The following COL6A5 variants were observed in gnomAD, a reference collection of about 807,000 sequenced individuals.
The protein encoded by COL6A5 is collagen alpha-5(VI) chain.
COL6A5 carries 48 observed loss-of-function variants against 65.6 expected under a neutral mutation model. The ratio of observed to expected loss-of-function variants is 0.73; its 90% CI spans 0.58 to 0.93. COL6A5 has a LOEUF of 0.93. Among genes scored for constraint, COL6A5 ranks in the 40% least tolerant of loss-of-function variants. COL6A5 has a pLI of 0.00. For synonymous variants in COL6A5, 291 were observed against 322.8 expected, an observed-to-expected ratio of 0.90 and a Z score of 1.05; for missense variants, 914 against 928.3, an observed-to-expected ratio of 0.98 and a Z score of 0.20.
At position 130,437,067 on chromosome 3, in the gene COL6A5, A is replaced by G. The variant is rs912928598; in HGVS notation, c.488-2455A>G. On this transcript the variant is annotated intron_variant, in intron 1 of 7. Coordinates refer to ENST00000512836, the Ensembl canonical transcript of COL6A5. ...ACTTGTACAACGTACAGCCCTCTTC[A>G]TCACAGCTAATAAAAATCCCATTCT... Among the ~76,000 whole-genome samples, 3 of 152,124 alleles carry G rather than the reference A, an allele frequency of 2.0e-5. No homozygotes were observed. In the South Asian group the frequency reaches 6.2e-4, roughly 32 times the overall value.
At chr3:130,433,403 T>A (rs369528296) in intron 1 of COL6A5, among the ~76,000 whole-genome samples, 15 of 152,284 alleles carry the variant, frequency 9.9e-5, no homozygotes, top group East Asian at 5.8e-4. Context: ...TGTTAACAAA[T>A]CATTTTAAAT....
intron 1 of COL6A5, among the ~76,000 whole-genome samples, chr3:130,372,750 C>T (rs1263107395): frequency 6.6e-6 from 1 of 152,058 alleles, no homozygotes; most frequent in Non-Finnish European, 1.5e-5. Context: ...GAACTGGGGG[C>T]TTAATCTAAA....
At chr3:130,413,437 G>T in intron 20 of COL6A5, 108 bp from the exon 21 acceptor site, 2 of 1,017,868 alleles carry the variant, frequency 2.0e-6, no homozygotes, top group South Asian at 1.4e-5. Flanking sequence ...CTGTTTCTGT[G>T]AGCTGCTCAT....
intron 5 of COL6A5, among the ~76,000 whole-genome samples, chr3:130,458,256 T>C (rs1260126134): frequency 2.6e-5 from 4 of 152,120 alleles, no homozygotes; most frequent in Non-Finnish European, 2.9e-5. Context: ...GGAAGCTCAT[T>C]ATAAGCACAG....
chr3:130,439,339 TTGTGTGTGTGTGTGTGTG>T lies in COL6A5; in HGVS notation c.488-160_488-143del, dbSNP rs5852597. ...TGTTATGTTTGGGATAAGCAGGGGA[TTGTGTGTGTGTGTGTGTG>T]TGTGTGTGTGTGTGTGTGTGTGAAC... On this transcript the variant is annotated intron_variant, in intron 1 of 7. Transcript: ENST00000512836. Among the ~76,000 whole-genome samples the T allele has an allele frequency of 6.3e-3, 921 of 146,662 alleles. 4 individuals are homozygous for T. Among genetic ancestry groups the T allele is most frequent in the Non-Finnish European group, 0.01 (673 of 66,626 alleles).
At chr3:130,345,695 G>C (rs9859227) in exon 1 of COL6A5, 191 of 398,598 alleles carry the variant, frequency 4.8e-4, no homozygotes, top group Non-Finnish European at 7.3e-4. Flanking sequence ...AACTTGTGAA[G>C]AGTTAAAAGC....
intron 3 of COL6A5, among the ~76,000 whole-genome samples, chr3:130,377,106 TCTTTC>T (rs1257609685): frequency 1.3e-5 from 2 of 152,302 alleles, no homozygotes; most frequent in Non-Finnish European, 2.9e-5. Flanking sequence ...CCTCTTGGAA[TCTTTC>T]CTTTCTAATT....
chr3:130,469,432 T>A, exon 6 of COL6A5: 1 of 1,612,932 alleles, frequency 6.2e-7, no homozygotes. Flanking sequence ...ACAAGCCAGA[T>A]TGGAACTATA....
At chr3:130,440,639 G>T in exon 3 of COL6A5, 3 of 1,613,484 alleles carry the variant, frequency 1.9e-6, no homozygotes, top group East Asian at 2.2e-5. Context: ...AAAAATGATG[G>T]CTTTGAGGGC....
intron 5 of COL6A5, among the ~76,000 whole-genome samples, chr3:130,460,228 T>G (rs1483013744): frequency 2.0e-5 from 3 of 152,152 alleles, no homozygotes; most frequent in Non-Finnish European, 4.4e-5. Context: ...GTCTGGATTT[T>G]AATAACATGT....
exon 3 of COL6A5, chr3:130,376,446 A>G: frequency 6.2e-7 from 1 of 1,612,634 alleles, no homozygotes; most frequent in Non-Finnish European, 8.5e-7. Context: ...CAGAAGCCCC[A>G]TGCTGAACCA....
chr3:130,421,422 T>C, intron 27 of COL6A5, 62 bp downstream of exon 27: 6 of 1,474,036 alleles, frequency 4.1e-6, no homozygotes, highest in Middle Eastern at 1.7e-4. Context: ...AGAACTGAGA[T>C]AAACCTGTAG....
chr3:130,477,351 G>A (rs1025140013), intron 7 of COL6A5: 1 of 326,506 alleles, frequency 3.1e-6, no homozygotes, highest in Non-Finnish European at 5.6e-6. Context: ...ATCACTTTAT[G>A]TTGTTTTGTT....
At chr3:130,448,095 C>T (rs559316547) in intron 4 of COL6A5, among the ~76,000 whole-genome samples, 43 of 152,158 alleles carry the variant, frequency 2.8e-4, no homozygotes, top group Non-Finnish European at 5.3e-4. Context: ...TTGAAGTATT[C>T]TGCACCAAGC....
At chr3:130,399,743 TGA>T (rs1298829112) in intron 10 of COL6A5, among the ~76,000 whole-genome samples, 3 of 8,970 alleles carry the variant, frequency 3.3e-4, no homozygotes, top group Non-Finnish European at 1.6e-3. Flanking sequence ...CTTCCTGTAA[TGA>T]GATATATATA....
rs542526892 is a variant in COL6A5, at chr3:130,465,472, T to C, written c.1545-3323T>C. 3.9e-5 allele frequency among the ~76,000 whole-genome samples: 6 copies of C among 152,106 alleles called. No homozygotes were observed. In the South Asian group the frequency reaches 6.2e-4, roughly 16 times the overall value. On this transcript the variant is annotated intron_variant, in intron 5 of 7. Coordinates refer to ENST00000512836, the Ensembl canonical transcript of COL6A5. Reference sequence around the variant, plus strand: ...AGCCTGGAAAAGAACATAATTCACATAGTAATGGGGAGAAAACTTAGGAAG... The same window carrying C: ...AGCCTGGAAAAGAACATAATTCACACAGTAATGGGGAGAAAACTTAGGAAG...
intron 4 of COL6A5, among the ~76,000 whole-genome samples, chr3:130,454,976 A>C (rs1304085058): frequency 6.6e-6 from 1 of 152,074 alleles, no homozygotes; most frequent in East Asian, 1.9e-4. Flanking sequence ...ACCAATCTCT[A>C]CAAAAAATTA....
chr3:130,418,186 A>T (rs988977716), intron 24 of COL6A5, among the ~76,000 whole-genome samples: 3 of 152,152 alleles, frequency 2.0e-5, no homozygotes, highest in African/African-American at 7.2e-5. Flanking sequence ...TTATTTGTTA[A>T]TAAGGTAGGG....
chr3:130,404,501 C>A (rs1262842773), intron 13 of COL6A5, among the ~76,000 whole-genome samples: 1 of 152,148 alleles, frequency 6.6e-6, no homozygotes, highest in Non-Finnish European at 1.5e-5. Context: ...TTATAAGTTC[C>A]TCTACAATCT....
Sources: allele counts gnomAD v4.1 joint callset (sites outside exome capture counted in the v4.1 genomes callset), GRCh38; gene constraint gnomAD v4.1.1; transcripts MANE v1.5; gene names NCBI Gene and HGNC (gene_info 2026-07-23, HGNC 2026-07-21).